Variants in GCNT4 observed in about 807,000 individuals in gnomAD.
GCNT4 encodes the protein beta-1,3-galactosyl-O-glycosyl-glycoprotein beta-1,6-N-acetylglucosaminyltransferase 4.
Under a neutral mutation model 31.3 loss-of-function variants are expected in GCNT4, and 17 were observed. That is an observed-to-expected ratio of 0.54 (90% CI 0.37 to 0.81). The LOEUF (loss-of-function observed/expected upper bound fraction) is 0.81. Ranked by LOEUF, GCNT4 falls within the 40% of genes least tolerant of loss-of-function variation. The pLI is 0.00. For missense variants in GCNT4, 503 were observed against 525.5 expected (o/e 0.96, Z 0.42); for synonymous variants, 158 against 190.6 (o/e 0.83, Z 1.41).
downstream of GCNT4, among the ~76,000 whole-genome samples, chr5:75,022,414 A>G (rs561526375): frequency 1.3e-5 from 2 of 152,342 alleles, no homozygotes; most frequent in East Asian, 1.9e-4. Context: ...TGCTTATTGC[A>G]AAATTTGGTG....
intron 2 of GCNT4, among the ~76,000 whole-genome samples, chr5:75,050,877 C>T (rs144068131): frequency 9.6e-4 from 146 of 152,344 alleles, no homozygotes; most frequent in African/African-American, 3.3e-3. Flanking sequence ...GCCCTGTCTA[C>T]TTAGGGGCTC....
chr5:75,042,327 G>T (rs1409736186), intron 3 of GCNT4, among the ~76,000 whole-genome samples: 1 of 152,064 alleles, frequency 6.6e-6, no homozygotes, highest in Non-Finnish European at 1.5e-5. Flanking sequence ...TGTATCTATT[G>T]CACTAGAAAG....
chr5:75,050,706 C>T (rs1743549833), intron 2 of GCNT4, among the ~76,000 whole-genome samples: 1 of 151,938 alleles, frequency 6.6e-6, no homozygotes, highest in South Asian at 2.1e-4. Flanking sequence ...GAGGGAGTCA[C>T]GCTGCACTCT....
intron 3 of GCNT4, among the ~76,000 whole-genome samples, chr5:75,041,721 C>T (rs986768602): frequency 3.3e-5 from 5 of 152,172 alleles, no homozygotes; most frequent in Non-Finnish European, 7.3e-5. Context: ...GCGCAGAATT[C>T]AGCCCATGGT....
chr5:75,044,673 T>C (rs1743395574), intron 3 of GCNT4, among the ~76,000 whole-genome samples: 1 of 151,992 alleles, frequency 6.6e-6, no homozygotes, highest in South Asian at 2.1e-4. Flanking sequence ...TTCAGCGTGC[T>C]GCATGCACTC....
At chr5:75,021,406 A>T, downstream of GCNT4, among the ~76,000 whole-genome samples, 1 of 152,188 alleles carries the variant, frequency 6.6e-6, no homozygotes. Flanking sequence ...TAGACCAATT[A>T]GTGTGGCCTT....
chr5:75,053,747 G>T (rs963301920), upstream of GCNT4, among the ~76,000 whole-genome samples: 1 of 152,144 alleles, frequency 6.6e-6, no homozygotes, highest in Admixed American at 6.5e-5. Context: ...CCCGCAGAGG[G>T]AGCTCCCTGC....
Position 75,028,375 on chromosome 5 carries a change from G to A in GCNT4, c.*301C>T. ...GTTGCTATGATGAGGATAAGCCGCA[G>A]TCTCTAAAAAAGTGCCTGTCATATA... On this transcript the variant is annotated 3_prime_UTR_variant, in exon 4 of 4. Transcript: ENST00000652361. 1 of 321,658 alleles carries A rather than the reference G, an allele frequency of 3.1e-6. No homozygotes were observed. The highest frequency in any genetic ancestry group is 5.6e-6 in the Non-Finnish European group (1 of 176,998). The allele number at this position is 321,658 out of a possible 1,614,324, so 19.9% of individuals were successfully genotyped here. A position where few individuals can be genotyped will look rare whatever the true frequency, so the allele number is the denominator to read the frequency against.
In GCNT4 at chr5:75,025,894, T is replaced by TA. The variant is rs1249325300; in HGVS notation, c.*2781dup. ...GTTCTGGTCTGATCTCTGAATAACT[T>TA]AAAGTCTAGATTCAATAAATACAAA... is the stretch of plus-strand genomic sequence containing the variant. On this transcript the variant is annotated 3_prime_UTR_variant, in exon 4 of 4. Coordinates refer to ENST00000652361, the MANE Select transcript of GCNT4 (RefSeq NM_001366737.1). 6.6e-6 allele frequency: 1 copy of TA among 152,212 alleles called. No homozygotes were observed. Among genetic ancestry groups the TA allele is most frequent in the Admixed American group, 6.5e-5 (1 of 15,274 alleles). 9.4% of individuals were successfully genotyped at this position (152,212 alleles called of 1,614,324 possible).
Position 75,028,690 on chromosome 5 carries a change from T to C in GCNT4, c.1348A>G (p.Thr450Ala). ...TGATTTTACTATCATGATGTGGTAG[T>C]GAGATTTCTATCCATAAATAACTTT... ...SEKLFMDRNL[T>A]TTS Residue 450 changes from threonine to alanine, a missense_variant, in exon 4 of 4, where the codon ACT becomes GCT. Thr to Ala is a moderately conservative substitution (Grantham distance 58). Transcript: ENST00000652361. 6.2e-7 allele frequency: 1 copy of C among 1,611,218 alleles called. No homozygotes were observed. The highest frequency in any genetic ancestry group is 8.5e-7 in the Non-Finnish European group (1 of 1,178,780).
the GCNT4 span, among the ~76,000 whole-genome samples, chr5:75,017,092 C>T: frequency 1.3e-5 from 2 of 152,216 alleles, no homozygotes; most frequent in African/African-American, 4.8e-5. Flanking sequence ...GCCAGTCTTA[C>T]TCATCCTCAA....
chr5:75,024,676 G>T (rs1292401995), downstream of GCNT4, among the ~76,000 whole-genome samples: 1 of 152,118 alleles, frequency 6.6e-6, no homozygotes, highest in Non-Finnish European at 1.5e-5. Context: ...AGAAAGGGAA[G>T]AATCTTGGCT....
rs1296130772 is a variant in GCNT4 at position 75,029,970 on chromosome 5, A to G, written c.68T>C (p.Leu23Pro). The stretch of plus-strand genomic sequence containing the variant: ...AAGCTTTAACAAAGAGAGCAGCCAT[A>G]GGGTTAAAAACAGGATGAAAACTTT... ...QQKVFILFLT[L>P]WLLSLLKLLN... The change falls in exon 4 of 4, where the codon CTA becomes CCA. Residue 23 changes from leucine (L) to proline (P), a missense_variant. Leu to Pro is a moderately conservative substitution (Grantham distance 98). Coordinates refer to ENST00000652361, the MANE Select transcript of GCNT4 (RefSeq NM_001366737.1). 1 of 1,613,802 alleles carries G rather than the reference A, an allele frequency of 6.2e-7. No homozygotes were observed. The highest frequency in any genetic ancestry group is 1.7e-5 in the Admixed American group (1 of 59,996).
chr5:75,042,541 C>T (rs771827130), intron 3 of GCNT4, among the ~76,000 whole-genome samples: 11 of 152,158 alleles, frequency 7.2e-5, no homozygotes, highest in Non-Finnish European at 1.5e-4. Context: ...TCTCCATGTC[C>T]ATCGCAGAGG....
In GCNT4 at chr5:75,029,415, T is replaced by C. The variant is rs970482112; in HGVS notation, c.623A>G (p.Asn208Ser). The C allele has an allele frequency of 1.2e-6, 2 of 1,614,172 alleles. No individual in the cohort carries two copies. The highest frequency in any genetic ancestry group is 1.7e-6 in the Non-Finnish European group (2 of 1,180,038). Residue 208 changes from asparagine to serine, a missense_variant, in exon 4 of 4, where the codon AAT (asparagine) becomes AGT (serine). Transcript: ENST00000652361. ...AGACTTCAGAAGGTCCGACAAGCAA[T>C]TTAAATCAGCCTGGAGTCTGGAAAT... ...AHISRLQADL[N>S]CLSDLLKSSI... is the part of the protein sequence containing the mutation.
At chr5:75,044,106 A>G (rs923926802) in intron 3 of GCNT4, among the ~76,000 whole-genome samples, 10 of 152,272 alleles carry the variant, frequency 6.6e-5, no homozygotes, top group African/African-American at 2.2e-4. Flanking sequence ...CAGGCAGGGT[A>G]CAGGTCACAT....
intron 3 of GCNT4, 144 bp from the exon 4 acceptor site, chr5:75,030,182 TC>T: frequency 1.4e-6 from 1 of 723,662 alleles, no homozygotes; most frequent in Non-Finnish European, 2.3e-6. Context: ...CTTGAAAGAA[TC>T]CAGAAATAAG....
intron 3 of GCNT4, among the ~76,000 whole-genome samples, chr5:75,038,892 C>T (rs1234138682): frequency 6.6e-6 from 1 of 152,172 alleles, no homozygotes; most frequent in Non-Finnish European, 1.5e-5. Context: ...TGCCCAACTG[C>T]CCCTATTCAG....
rs148761969 is a variant in GCNT4 at position 75,029,405 on chromosome 5, C to T, written c.633G>A (p.Ser211=). ...ACTGGATTGAAGACTTCAGAAGGTC[C>T]GACAAGCAATTTAAATCAGCCTGGA... ...SRLQADLNCL[S]DLLKSSIQWK... is the part of the protein sequence containing the mutation. The change falls in exon 4 of 4, where the codon TCG becomes TCA. Residue 211 remains serine, a synonymous_variant. Coordinates refer to ENST00000652361, the MANE Select transcript of GCNT4 (RefSeq NM_001366737.1). The T allele has an allele frequency of 4.3e-5, 70 of 1,613,986 alleles. No individual in the cohort carries two copies. In the African/African-American group the frequency reaches 7.2e-4, roughly 17 times the overall value.
Sources: gnomAD v4.1 joint callset for allele counts (sites outside exome capture counted in the v4.1 genomes callset) on GRCh38, gnomAD v4.1.1 for gene constraint, MANE v1.5 for transcripts, NCBI Gene and HGNC (gene_info 2026-07-23, HGNC 2026-07-21) for gene names.